The following PPP1R14C variants were observed in gnomAD, a reference collection of about 807,000 sequenced individuals.
The protein encoded by PPP1R14C is protein phosphatase 1 regulatory inhibitor subunit 14C.
Under a neutral mutation model 20.4 loss-of-function variants are expected in PPP1R14C, and 16 were observed. The observed-to-expected ratio is 0.78, with a 90% CI of 0.53 to 1.19. The LOEUF is 1.19. Ranked by LOEUF, PPP1R14C falls within the 50% of genes most tolerant of loss-of-function variation. The pLI, the probability that PPP1R14C is intolerant of heterozygous loss-of-function variation, is 0.00. For synonymous variants in PPP1R14C, 91 were observed against 91.0 expected, an observed-to-expected ratio of 1.00 and a Z score of 0.00; for missense variants, 211 against 220.1, an observed-to-expected ratio of 0.96 and a Z score of 0.26.
intron 3 of PPP1R14C, among the ~76,000 whole-genome samples, chr6:150,231,131 C>T (rs1284921666): frequency 6.6e-6 from 1 of 152,174 alleles, no homozygotes; most frequent in Non-Finnish European, 1.5e-5. Flanking sequence ...TGTGACAGAG[C>T]CATGTGGTAG....
At chr6:150,177,879 G>A (rs1239100902) in intron 1 of PPP1R14C, among the ~76,000 whole-genome samples, 3 of 152,176 alleles carry the variant, frequency 2.0e-5, no homozygotes, top group South Asian at 2.1e-4. Flanking sequence ...CTGAGGCCCC[G>A]TCGTCAGGCA....
intron 1 of PPP1R14C, among the ~76,000 whole-genome samples, chr6:150,151,244 G>A (rs947219793): frequency 2.0e-5 from 3 of 152,076 alleles, no homozygotes; most frequent in Non-Finnish European, 4.4e-5. Context: ...ATATTCAACT[G>A]GTCTGAAAAT....
At chr6:150,212,722 A>G (rs1285434092) in intron 1 of PPP1R14C, among the ~76,000 whole-genome samples, 1 of 152,210 alleles carries the variant, frequency 6.6e-6, no homozygotes, top group African/African-American at 2.4e-5. Context: ...GTGGTCCCAT[A>G]AGATTATAAT....
chr6:150,193,588 C>T (rs748472008), intron 1 of PPP1R14C, among the ~76,000 whole-genome samples: 8 of 151,262 alleles, frequency 5.3e-5, no homozygotes, highest in Non-Finnish European at 8.8e-5. Context: ...ATGCTGAAGT[C>T]CTCGATGGAG....
chr6:150,248,159 A>G lies in PPP1R14C; in HGVS notation c.424-587A>G, dbSNP rs148684667. Among the ~76,000 whole-genome samples, 152 of 152,062 alleles carry G rather than the reference A, an allele frequency of 1.0e-3. 2 individuals are homozygous for G. Among genetic ancestry groups the G allele is most frequent in the African/African-American group, 3.5e-3 (144 of 41,482 alleles). ...CTGATGACCTTATCTAATCCGAACTACCTCCCAAAGGCCCTACCTCCAAAT... is the reference window on the plus strand; with the variant it reads ...CTGATGACCTTATCTAATCCGAACTGCCTCCCAAAGGCCCTACCTCCAAAT... On this transcript the variant is annotated intron_variant, in intron 3 of 3. Transcript: ENST00000361131.
Position 150,143,085 on chromosome 6 carries a change from G to C in PPP1R14C, c.-108G>C. Reference sequence around the variant, plus strand: ...TGGGCGCGCGCGGCGCAGAGCAGGTGCCGGGGAGCCCTTCGCATGCGGCTG... The same window carrying C: ...TGGGCGCGCGCGGCGCAGAGCAGGTCCCGGGGAGCCCTTCGCATGCGGCTG... On this transcript the variant is annotated 5_prime_UTR_variant, in exon 1 of 4. Coordinates refer to ENST00000361131, the MANE Select transcript of PPP1R14C (RefSeq NM_030949.3). This position sits in a 1 kb window ranked among gnomAD's most constrained non-coding sequence, Gnocchi z 5.6. 2 of 1,116,652 alleles carry C rather than the reference G, an allele frequency of 1.8e-6. No individual in the cohort carries two copies. Among genetic ancestry groups the C allele is most frequent in the Non-Finnish European group, 1.1e-6 (1 of 919,250 alleles). 69.2% of individuals were successfully genotyped at this position (1,116,652 alleles called of 1,614,324 possible). A position where few individuals can be genotyped will look rare whatever the true frequency, so the allele number is the denominator to read the frequency against.
intron 1 of PPP1R14C, among the ~76,000 whole-genome samples, chr6:150,205,817 A>C (rs1028325011): frequency 6.6e-6 from 1 of 152,004 alleles, no homozygotes; most frequent in Admixed American, 6.6e-5. Context: ...TAATGGAAAT[A>C]AAAAAGAAAA....
chr6:150,217,315 C>T (rs1316103581), intron 3 of PPP1R14C, among the ~76,000 whole-genome samples: 2 of 151,992 alleles, frequency 1.3e-5, no homozygotes, highest in Non-Finnish European at 2.9e-5. Flanking sequence ...CCCGCCTCAG[C>T]CTCCTGAGTA....
intron 1 of PPP1R14C, among the ~76,000 whole-genome samples, chr6:150,208,477 T>C (rs1777981445): frequency 6.6e-6 from 1 of 152,190 alleles, no homozygotes; most frequent in Non-Finnish European, 1.5e-5. Flanking sequence ...CCAGGGCTGA[T>C]TTAAATATTT....
At chr6:150,217,193 G>GTTTTTTTTT (rs201443446) in intron 3 of PPP1R14C, among the ~76,000 whole-genome samples, 1 of 148,748 alleles carries the variant, frequency 6.7e-6, no homozygotes. Flanking sequence ...TTATTGGTAT[G>GTTTTTTTTT]TATTTTTTTT....
At chr6:150,221,651 T>C (rs1385003452) in intron 3 of PPP1R14C, among the ~76,000 whole-genome samples, 4 of 152,210 alleles carry the variant, frequency 2.6e-5, no homozygotes, top group African/African-American at 9.6e-5. Flanking sequence ...AAAAGTCTTA[T>C]GCCAATGCTA....
At chr6:150,160,747 A>G (rs1331691197) in intron 1 of PPP1R14C, among the ~76,000 whole-genome samples, 4 of 152,022 alleles carry the variant, frequency 2.6e-5, no homozygotes. Context: ...ATTATAATTC[A>G]ATTATTACTT....
intron 3 of PPP1R14C, among the ~76,000 whole-genome samples, chr6:150,247,520 AGTGAGTCT>A (rs1347605997): frequency 6.6e-6 from 1 of 152,194 alleles, no homozygotes; most frequent in East Asian, 1.9e-4. Flanking sequence ...AAATCCTTTT[AGTGAGTCT>A]TCCCTAGCAT....
rs1777310675 is a variant in PPP1R14C at position 150,156,783 on chromosome 6, T to C, written c.306+13285T>C. 3.3e-5 allele frequency among the ~76,000 whole-genome samples: 5 copies of C among 152,352 alleles called. No individual in the cohort carries two copies. In the South Asian group the frequency reaches 1.0e-3, roughly 32 times the overall value. On this transcript the variant is annotated intron_variant, in intron 1 of 3. Coordinates refer to ENST00000361131, the MANE Select transcript of PPP1R14C (RefSeq NM_030949.3). ...TAAAAAACAACACGTACTATCTCTG[T>C]TAGACAAGTGCCTTTTGTTATGTTA...
intron 3 of PPP1R14C, among the ~76,000 whole-genome samples, chr6:150,228,971 A>G (rs1778261498): frequency 6.6e-6 from 1 of 152,160 alleles, no homozygotes; most frequent in Non-Finnish European, 1.5e-5. Context: ...TTTAAAGGGC[A>G]GTGGACCCGA....
Position 150,239,214 on chromosome 6 carries a change from G to A in PPP1R14C, c.424-9532G>A, listed in dbSNP as rs183695233. Among the ~76,000 whole-genome samples the A allele has an allele frequency of 2.5e-4, 38 of 152,284 alleles. 1 individual carries two copies. In the South Asian group the frequency reaches 5.6e-3, roughly 22 times the overall value. ...CTTTCTTTCAGCATGTCCAATATACGTACAAGTTACATGGGAGGAGGCTGT... is the reference window on the plus strand; with the variant it reads ...CTTTCTTTCAGCATGTCCAATATACATACAAGTTACATGGGAGGAGGCTGT... On this transcript the variant is annotated intron_variant, in intron 3 of 3. Transcript: ENST00000361131.
At chr6:150,237,151 G>A (rs1778371544) in intron 3 of PPP1R14C, among the ~76,000 whole-genome samples, 2 of 151,984 alleles carry the variant, frequency 1.3e-5, no homozygotes, top group African/African-American at 2.4e-5. Flanking sequence ...GGGCGGGGGT[G>A]GGGCAGGGGG....
chr6:150,218,151 C>G (rs1201127826), intron 3 of PPP1R14C, among the ~76,000 whole-genome samples: 1 of 152,074 alleles, frequency 6.6e-6, no homozygotes, highest in Non-Finnish European at 1.5e-5. Flanking sequence ...TGCCTGTGAT[C>G]ACAGCACTTT....
intron 1 of PPP1R14C, among the ~76,000 whole-genome samples, chr6:150,179,124 C>T (rs771500241): frequency 6.6e-6 from 1 of 152,090 alleles, no homozygotes; most frequent in Non-Finnish European, 1.5e-5. Context: ...AGACTGTGGT[C>T]GCCAAGCATG....
Sources: allele counts gnomAD v4.1 joint callset (sites outside exome capture counted in the v4.1 genomes callset), GRCh38; gene constraint gnomAD v4.1.1; non-coding constraint Gnocchi (gnomAD v3.1); transcripts MANE v1.5; gene names NCBI Gene and HGNC (gene_info 2026-07-23, HGNC 2026-07-21).